Variants in DPP6 observed in about 807,000 individuals in gnomAD.
DPP6 encodes A-type potassium channel modulatory protein DPP6.
DPP6 carries 69 observed loss-of-function variants against 122.6 expected under a neutral mutation model. That is an observed-to-expected ratio of 0.56 (90% confidence interval 0.46 to 0.69). The LOEUF (loss-of-function observed/expected upper bound fraction) is 0.69. DPP6 is among the 30% of genes least tolerant of loss of function. The pLI is 0.00. For missense variants in DPP6, 928 were observed against 1,116.9 expected, an observed-to-expected ratio of 0.83 and a Z score of 2.41; for synonymous variants, 418 against 433.1, an observed-to-expected ratio of 0.97 and a Z score of 0.43.
intron 16 of DPP6, among the ~76,000 whole-genome samples, chr7:154,812,449 T>C (rs1284655773): frequency 6.6e-6 from 1 of 152,198 alleles, no homozygotes; most frequent in East Asian, 1.9e-4. Context: ...TTCTCACAGT[T>C]CTGGAAGCTG....
At position 154,811,797 on chromosome 7, in the gene DPP6, A is replaced by G. The variant is rs552168161; in HGVS notation, c.1666+4685A>G. ...TCCTGTTTCCTTCACACCCCAAGTT[A>G]TTCTGAGAGATTCTTGGAAACCTGT... On this transcript the variant is annotated intron_variant, in intron 16 of 25. Transcript: ENST00000377770. Among the ~76,000 whole-genome samples the G allele has an allele frequency of 1.5e-3, 225 of 152,300 alleles. 1 individual carries two copies. Among genetic ancestry groups the G allele is most frequent in the African/African-American group, 4.9e-3 (202 of 41,578 alleles).
chr7:154,148,782 C>T (rs1407041640), intron 1 of DPP6, among the ~76,000 whole-genome samples: 1 of 152,234 alleles, frequency 6.6e-6, no homozygotes, highest in Non-Finnish European at 1.5e-5. Context: ...GCTCTTATTG[C>T]AAGCATGTAT....
chr7:154,701,219 G>A (rs373826071), intron 7 of DPP6, among the ~76,000 whole-genome samples: 20 of 152,092 alleles, frequency 1.3e-4, no homozygotes, highest in East Asian at 5.8e-4. Flanking sequence ...TTCCTGTCCC[G>A]CTTTGCACGC....
chr7:154,804,032 T>C lies in DPP6; in HGVS notation c.1499+77T>C, dbSNP rs527267569. On this transcript the variant is annotated intron_variant, in intron 14 of 25. Transcript: ENST00000377770. ...TGTTATTTTTTGTCAATTACACTTA[T>C]GGAGTACAGGAGCACAGGAGGCCTC... 5.4e-5 allele frequency: 84 copies of C among 1,546,690 alleles called. No individual in the cohort carries two copies. In the African/African-American group the frequency reaches 9.4e-4, roughly 17 times the overall value.
intron 8 of DPP6, among the ~76,000 whole-genome samples, chr7:154,730,393 C>T (rs1053510315): frequency 6.6e-6 from 1 of 152,164 alleles, no homozygotes; most frequent in Non-Finnish European, 1.5e-5. Flanking sequence ...CTCATGTGTA[C>T]ATGGGAAGAA....
intron 1 of DPP6, among the ~76,000 whole-genome samples, chr7:154,001,090 T>A (rs1282483437): frequency 1.3e-5 from 2 of 151,944 alleles, no homozygotes; most frequent in African/African-American, 4.8e-5. Flanking sequence ...CCTCACCTCT[T>A]TCCACATCCC....
At chr7:154,769,913 G>A (rs770841520) in intron 9 of DPP6, among the ~76,000 whole-genome samples, 76 of 152,138 alleles carry the variant, frequency 5.0e-4, no homozygotes, top group Non-Finnish European at 8.5e-4. Context: ...TTGGCCTCTG[G>A]GAAGGCAGAA....
chr7:154,383,398 T>A (rs564101456), intron 1 of DPP6, among the ~76,000 whole-genome samples: 1 of 152,366 alleles, frequency 6.6e-6, no homozygotes, highest in East Asian at 1.9e-4. Context: ...TGGAAACACT[T>A]GCATTTGAGT....
intron 8 of DPP6, among the ~76,000 whole-genome samples, chr7:154,745,642 G>T (rs907918754): frequency 6.6e-6 from 1 of 152,220 alleles, no homozygotes; most frequent in Non-Finnish European, 1.5e-5. Flanking sequence ...CACCTGCTTA[G>T]CTTCTGGTGA....
At chr7:154,766,424 C>G (rs1165146906) in intron 8 of DPP6, among the ~76,000 whole-genome samples, 1 of 152,154 alleles carries the variant, frequency 6.6e-6, no homozygotes, top group Non-Finnish European at 1.5e-5. Flanking sequence ...TAATGATTCT[C>G]CTGCCTCAGC....
At chr7:153,793,516 A>G in the DPP6 span, among the ~76,000 whole-genome samples, 7 of 150,552 alleles carry the variant, frequency 4.6e-5, no homozygotes, top group Non-Finnish European at 5.9e-5. Context: ...ATTCAGTTTT[A>G]TAAGGGAAGC....
chr7:154,033,253 T>C (rs539719656), intron 1 of DPP6, among the ~76,000 whole-genome samples: 1 of 152,344 alleles, frequency 6.6e-6, no homozygotes, highest in South Asian at 2.1e-4. Context: ...TTGACATAAA[T>C]ATATACATAC....
intron 7 of DPP6, among the ~76,000 whole-genome samples, chr7:154,691,106 C>G (rs186419685): frequency 6.6e-6 from 1 of 152,206 alleles, no homozygotes; most frequent in Non-Finnish European, 1.5e-5. Context: ...TTTGCTGGAA[C>G]TGTTTTTCTC....
At chr7:154,647,862 T>C (rs561404110) in intron 6 of DPP6, among the ~76,000 whole-genome samples, 1 of 152,112 alleles carries the variant, frequency 6.6e-6, no homozygotes, top group African/African-American at 2.4e-5. Flanking sequence ...CTCTTCCTGT[T>C]TACAGATGTT....
At chr7:154,315,317 T>G (rs2151006999) in intron 1 of DPP6, among the ~76,000 whole-genome samples, 1 of 152,324 alleles carries the variant, frequency 6.6e-6, no homozygotes, top group African/African-American at 2.4e-5. Context: ...CCAGCAGGGC[T>G]TCAGATGTTG....
intron 8 of DPP6, among the ~76,000 whole-genome samples, chr7:154,751,397 C>T (rs1355586686): frequency 2.7e-5 from 4 of 150,804 alleles, no homozygotes; most frequent in Non-Finnish European, 5.9e-5. Flanking sequence ...GTCAGGAGTT[C>T]GAGACCAGCC....
intron 1 of DPP6, among the ~76,000 whole-genome samples, chr7:154,142,046 A>G (rs1329933261): frequency 2.6e-5 from 4 of 152,248 alleles, no homozygotes; most frequent in African/African-American, 4.8e-5. Flanking sequence ...TTAATTAGGC[A>G]TCCCCTATTC....
At chr7:154,024,434 C>G (rs144679042) in intron 1 of DPP6, among the ~76,000 whole-genome samples, 1 of 151,938 alleles carries the variant, frequency 6.6e-6, no homozygotes, top group African/African-American at 2.4e-5. Context: ...ATTAGATGAT[C>G]AGTTTTTTTT....
chr7:154,117,119 T>G (rs1807046824), intron 1 of DPP6, among the ~76,000 whole-genome samples: 2 of 152,072 alleles, frequency 1.3e-5, no homozygotes, highest in South Asian at 4.2e-4. Flanking sequence ...CTAGTGCACA[T>G]ATTTCCCAAG....
Sources: gnomAD v4.1 joint callset for allele counts (sites outside exome capture counted in the v4.1 genomes callset) on GRCh38, gnomAD v4.1.1 for gene constraint, MANE v1.5 for transcripts, NCBI Gene and HGNC (gene_info 2026-07-23, HGNC 2026-07-21) for gene names.